The following HPD variants were observed in gnomAD, a reference collection of about 807,000 sequenced individuals.
HPD encodes the protein 4-hydroxyphenylpyruvic acid oxidase.
HPD carries 35 observed loss-of-function variants against 56.9 expected under a neutral mutation model. That is an observed-to-expected ratio of 0.62 (90% CI 0.47 to 0.82). The LOEUF (loss-of-function observed/expected upper bound fraction) is 0.82, where lower values mean the gene tolerates loss of function less well. Among genes scored for constraint, HPD ranks in the 40% least tolerant of loss-of-function variants. The probability of loss-of-function intolerance (pLI) is 0.00; values close to 1 mark genes in which losing one functional copy is unlikely to be tolerated. For missense variants in HPD, 442 were observed against 506.8 expected (o/e 0.87, Z 1.23); for synonymous variants, 186 against 200.2 (o/e 0.93, Z 0.60).
At chr12:121,886,097 A>G in the HPD span, among the ~76,000 whole-genome samples, 1 of 145,702 alleles carries the variant, frequency 6.9e-6, no homozygotes, top group Non-Finnish European at 1.5e-5. Flanking sequence ...ACCTGGCCAC[A>G]TATTGCATTT....
At chr12:121,843,905 G>A in intron 11 of HPD, 73 bp from the exon 12 acceptor site, 5 of 1,588,048 alleles carry the variant, frequency 3.1e-6, no homozygotes, top group African/African-American at 1.3e-5. Context: ...GAGGTGCTGG[G>A]TCATCAGGAT....
At chr12:121,839,895 T>G (rs777628741) in intron 13 of HPD, 37 bp downstream of exon 13, 2 of 1,605,524 alleles carry the variant, frequency 1.2e-6, no homozygotes, top group Non-Finnish European at 1.7e-6. Context: ...GTGTGCTAGC[T>G]GCCTGTCCCC....
chr12:121,884,468 C>CTAGG, the HPD span, among the ~76,000 whole-genome samples: 1 of 151,202 alleles, frequency 6.6e-6, no homozygotes, highest in Middle Eastern at 3.4e-3. Flanking sequence ...TGGTCCTCCG[C>CTAGG]TAATTAATTT....
the HPD span, among the ~76,000 whole-genome samples, chr12:121,870,700 G>T: frequency 1.3e-5 from 2 of 149,098 alleles, no homozygotes; most frequent in African/African-American, 4.9e-5. Flanking sequence ...GGGTTCAAGC[G>T]ATTCTCCTGC....
At chr12:121,883,576 A>G in the HPD span, among the ~76,000 whole-genome samples, 24 of 152,190 alleles carry the variant, frequency 1.6e-4, no homozygotes, top group East Asian at 4.3e-3. Flanking sequence ...TTCAGACCGC[A>G]TGGGTAAGAA....
At chr12:121,860,871 A>T (rs1033975373), upstream of HPD, among the ~76,000 whole-genome samples, 8 of 151,934 alleles carry the variant, frequency 5.3e-5, no homozygotes, top group African/African-American at 1.7e-4. Context: ...ACGCCACTGC[A>T]CTCTAGCCTG....
chr12:121,860,579 G>A (rs972633898), upstream of HPD, among the ~76,000 whole-genome samples: 1 of 152,200 alleles, frequency 6.6e-6, no homozygotes, highest in African/African-American at 2.4e-5. Context: ...GATGCTCTCT[G>A]TTCAGGCTGG....
At chr12:121,868,183 A>C (rs1878374080), upstream of HPD, among the ~76,000 whole-genome samples, 1 of 152,144 alleles carries the variant, frequency 6.6e-6, no homozygotes, top group African/African-American at 2.4e-5. Flanking sequence ...CCCTGTTCCC[A>C]AAAAAATGAA....
chr12:121,864,043 CAT>C (rs1491467465), upstream of HPD, among the ~76,000 whole-genome samples: 1 of 117,520 alleles, frequency 8.5e-6, no homozygotes, highest in East Asian at 2.5e-4. Context: ...GCCTGGCCAA[CAT>C]AGCGAAACCC....
chr12:121,873,999 A>G, the HPD span, among the ~76,000 whole-genome samples: 1 of 152,038 alleles, frequency 6.6e-6, no homozygotes, highest in Non-Finnish European at 1.5e-5. Flanking sequence ...AACAACAGCA[A>G]GAAAAAAATC....
the HPD span, among the ~76,000 whole-genome samples, chr12:121,881,286 T>C: frequency 1.3e-5 from 2 of 152,210 alleles, no homozygotes; most frequent in Non-Finnish European, 2.9e-5. Flanking sequence ...TATTGGCAAC[T>C]GTGGTGGATA....
chr12:121,873,167 T>C, the HPD span, among the ~76,000 whole-genome samples: 180 of 152,298 alleles, frequency 1.2e-3, 1 homozygote, highest in African/African-American at 4.1e-3. Context: ...CAGTTTTTAT[T>C]ATTATTTTAA....
upstream of HPD, chr12:121,858,861 C>G (rs1277184048): frequency 2.5e-6 from 4 of 1,613,622 alleles, no homozygotes; most frequent in South Asian, 4.4e-5. Flanking sequence ...GGACTAGAGG[C>G]CTGGGGAGTG....
upstream of HPD, among the ~76,000 whole-genome samples, chr12:121,868,484 C>T (rs1479299907): frequency 2.7e-5 from 4 of 149,846 alleles, no homozygotes; most frequent in Non-Finnish European, 5.9e-5. Context: ...TGAGTCAACA[C>T]ACCCAGCCCT....
At chr12:121,848,512 A>C (rs1468926097) in intron 9 of HPD, among the ~76,000 whole-genome samples, 1 of 151,768 alleles carries the variant, frequency 6.6e-6, no homozygotes, top group African/African-American at 2.4e-5. Flanking sequence ...GGGGTTCGCC[A>C]TGTTGGTCAG....
chr12:121,843,563 T>C, intron 12 of HPD, 147 bp downstream of exon 12: 1 of 892,278 alleles, frequency 1.1e-6, no homozygotes, highest in Admixed American at 2.0e-5. Flanking sequence ...ATCTGTCTCC[T>C]CCTCCCACAT....
intron 11 of HPD, 52 bp from the exon 12 acceptor site, chr12:121,843,884 C>G: frequency 1.2e-6 from 2 of 1,612,964 alleles, no homozygotes; most frequent in Non-Finnish European, 1.7e-6. Context: ...TTCAACTCCC[C>G]TAGCCAGGTG....
chr12:121,846,886 G>C lies in HPD; in HGVS notation c.807C>G (p.Leu269=). Residue 269 remains leucine, a synonymous_variant, in exon 11 of 14, where the codon CTC becomes CTG. Transcript: ENST00000289004. ...CCGCTGTGATGATGTCTTCGGTCTT[G>C]AGAGCGATGTGCTGGACCCCAGCGC... ...NGGAGVQHIA[L]KTEDIITAIR... The C allele has an allele frequency of 1.9e-6, 3 of 1,614,172 alleles. No individual in the cohort carries two copies. Among genetic ancestry groups the C allele is most frequent in the Non-Finnish European group, 2.5e-6 (3 of 1,180,012 alleles).
upstream of HPD, among the ~76,000 whole-genome samples, chr12:121,865,020 C>A (rs1470096360): frequency 6.6e-6 from 1 of 151,976 alleles, no homozygotes; most frequent in East Asian, 2.0e-4. Flanking sequence ...GTAATCCCAG[C>A]ACTTTGGGAG....
Sources: gnomAD v4.1 joint callset for allele counts (sites outside exome capture counted in the v4.1 genomes callset) on GRCh38, gnomAD v4.1.1 for gene constraint, MANE v1.5 for transcripts, NCBI Gene and HGNC (gene_info 2026-07-23, HGNC 2026-07-21) for gene names.